PPP2R2B: variants seen among roughly 807,000 people sequenced by gnomAD.
The protein encoded by PPP2R2B is protein phosphatase 2 regulatory subunit Bbeta, also known as serine/threonine-protein phosphatase 2A 55 kDa regulatory subunit B beta isoform.
A neutral mutation model predicts 46.0 loss-of-function variants in PPP2R2B; 5 were observed. The observed-to-expected ratio is 0.11, with a 90% CI of 0.06 to 0.23. The LOEUF (loss-of-function observed/expected upper bound fraction) is 0.23, where lower values mean the gene tolerates loss of function less well. Ranked by LOEUF, PPP2R2B falls within the 10% of genes least tolerant of loss-of-function variation. The pLI is 1.00. For missense variants in PPP2R2B, 367 were observed against 575.0 expected (o/e 0.64, Z 3.70); for synonymous variants, 215 against 206.7 (o/e 1.04, Z -0.34).
intron 1 of PPP2R2B, among the ~76,000 whole-genome samples, chr5:147,002,295 G>A (rs1444889687): frequency 1.3e-5 from 2 of 152,124 alleles, no homozygotes; most frequent in Non-Finnish European, 2.9e-5. Context: ...CTTCAGACAA[G>A]CAGGCCTAAC....
At chr5:146,672,514 G>A (rs556750564) in intron 5 of PPP2R2B, among the ~76,000 whole-genome samples, 52 of 152,200 alleles carry the variant, frequency 3.4e-4, no homozygotes, top group Non-Finnish European at 6.3e-4. Context: ...ATGGGGGTGG[G>A]GGGAATGCTT....
chr5:146,826,580 G>T (rs957855390), intron 2 of PPP2R2B, among the ~76,000 whole-genome samples: 1 of 152,156 alleles, frequency 6.6e-6, no homozygotes, highest in South Asian at 2.1e-4. Context: ...AATTTACCAA[G>T]TCAGTATCCA....
intron 2 of PPP2R2B, among the ~76,000 whole-genome samples, chr5:146,756,005 A>G (rs1040781223): frequency 1.3e-5 from 2 of 152,206 alleles, no homozygotes; most frequent in African/African-American, 2.4e-5. Flanking sequence ...AGCAGCCTGC[A>G]TACTTACATT....
At chr5:147,044,205 G>A (rs1420359823) in intron 1 of PPP2R2B, among the ~76,000 whole-genome samples, 2 of 151,914 alleles carry the variant, frequency 1.3e-5, no homozygotes, top group East Asian at 3.9e-4. Context: ...ATGTGGAAAG[G>A]GCCTCAGGTT....
At chr5:146,601,686 T>A (rs1473734111) in intron 7 of PPP2R2B, among the ~76,000 whole-genome samples, 1 of 152,250 alleles carries the variant, frequency 6.6e-6, no homozygotes, top group Non-Finnish European at 1.5e-5. Flanking sequence ...GTAACTATGA[T>A]GTCTTTTTAA....
intron 7 of PPP2R2B, among the ~76,000 whole-genome samples, chr5:146,609,084 G>C (rs951403917): frequency 1.3e-5 from 2 of 152,136 alleles, no homozygotes; most frequent in African/African-American, 4.8e-5. Flanking sequence ...TCATGACCAA[G>C]TGGAATTTAT....
intron 1 of PPP2R2B, among the ~76,000 whole-genome samples, chr5:147,053,543 T>C (rs1377165036): frequency 3.4e-5 from 1 of 29,016 alleles, no homozygotes; most frequent in African/African-American, 8.5e-5. Context: ...GCCAACAATA[T>C]AAACACACAC....
At chr5:147,065,243 A>G (rs1374201765) in intron 2 of PPP2R2B, among the ~76,000 whole-genome samples, 1 of 152,188 alleles carries the variant, frequency 6.6e-6, no homozygotes, top group Non-Finnish European at 1.5e-5. Context: ...GTTCAGGGTT[A>G]AGAAAGGCTT....
chr5:146,837,208 A>G (rs1759341185), intron 2 of PPP2R2B, among the ~76,000 whole-genome samples: 2 of 152,224 alleles, frequency 1.3e-5, no homozygotes, highest in South Asian at 2.1e-4. Flanking sequence ...ACAGTATTCA[A>G]TAAGTTACAT....
At chr5:146,852,626 C>T (rs1408715952) in intron 2 of PPP2R2B, among the ~76,000 whole-genome samples, 1 of 152,142 alleles carries the variant, frequency 6.6e-6, no homozygotes, top group Admixed American at 6.6e-5. Flanking sequence ...TGGAGACATG[C>T]TCTTTGTGCC....
At chr5:146,868,021 T>C (rs562023715) in intron 2 of PPP2R2B, among the ~76,000 whole-genome samples, 76 of 152,342 alleles carry the variant, frequency 5.0e-4, no homozygotes, top group African/African-American at 1.8e-3. Flanking sequence ...GATCATGTCA[T>C]TGAGAGCTTA....
chr5:146,651,070 A>G (rs886376145), intron 5 of PPP2R2B, among the ~76,000 whole-genome samples: 2 of 152,050 alleles, frequency 1.3e-5, no homozygotes, highest in African/African-American at 4.8e-5. Flanking sequence ...TTTTTTAAAC[A>G]TGAAATCTAT....
chr5:146,769,404 C>T (rs763756038), intron 2 of PPP2R2B, among the ~76,000 whole-genome samples: 1 of 152,260 alleles, frequency 6.6e-6, no homozygotes, highest in East Asian at 1.9e-4. Context: ...CTAAAGTTTG[C>T]GCAGTTCTAT....
At chr5:146,886,828 A>T (rs1221658476) in intron 1 of PPP2R2B, among the ~76,000 whole-genome samples, 3 of 138,750 alleles carry the variant, frequency 2.2e-5, no homozygotes, top group Non-Finnish European at 4.6e-5. Context: ...CTTTTTTAGT[A>T]AAAAAAAAAA....
At chr5:146,980,616 G>T (rs1201605369) in intron 1 of PPP2R2B, among the ~76,000 whole-genome samples, 1 of 152,150 alleles carries the variant, frequency 6.6e-6, no homozygotes, top group East Asian at 1.9e-4. Context: ...AACTAGATGG[G>T]CTGGGAAAGA....
chr5:146,656,056 T>C (rs1158383288), intron 5 of PPP2R2B, among the ~76,000 whole-genome samples: 1 of 152,154 alleles, frequency 6.6e-6, no homozygotes, highest in Non-Finnish European at 1.5e-5. Flanking sequence ...CAAATACTTA[T>C]TAAATCCCTC....
chr5:146,649,494 G>A (rs1443462818), intron 6 of PPP2R2B, among the ~76,000 whole-genome samples: 2 of 151,972 alleles, frequency 1.3e-5, no homozygotes, highest in East Asian at 3.9e-4. Context: ...ACCCAGACTG[G>A]AGTGCAGTGG....
chr5:147,054,652 G>A, intron 1 of PPP2R2B: 1 of 456,194 alleles, frequency 2.2e-6, no homozygotes, highest in South Asian at 1.5e-5. Context: ...CCAGTCTCAG[G>A]ATTCTACCTG....
intron 7 of PPP2R2B, among the ~76,000 whole-genome samples, chr5:146,624,192 T>C (rs1190907252): frequency 6.6e-6 from 1 of 152,170 alleles, no homozygotes; most frequent in East Asian, 1.9e-4. Context: ...GATAAATCAA[T>C]GAGAAGGGGC....
Sources: gnomAD v4.1 joint callset for allele counts (sites outside exome capture counted in the v4.1 genomes callset) on GRCh38, gnomAD v4.1.1 for gene constraint, MANE v1.5 for transcripts, NCBI Gene and HGNC (gene_info 2026-07-23, HGNC 2026-07-21) for gene names.